The following KIF13A variants were observed in gnomAD, a reference collection of about 807,000 sequenced individuals.
KIF13A encodes the protein kinesin family member 13A, also known as kinesin-like protein KIF13A.
KIF13A carries 79 observed loss-of-function variants against 212.2 expected under a neutral mutation model. The ratio of observed to expected loss-of-function variants is 0.37; its 90% CI spans 0.31 to 0.45. The LOEUF (loss-of-function observed/expected upper bound fraction) is 0.45. Ranked by LOEUF, KIF13A falls within the 20% of genes least tolerant of loss-of-function variation. KIF13A has a pLI of 1.00. For synonymous variants in KIF13A, 789 were observed against 808.6 expected, an observed-to-expected ratio of 0.98 and a Z score of 0.41; for missense variants, 1,901 against 2,209.0, an observed-to-expected ratio of 0.86 and a Z score of 2.79.
In KIF13A at chr6:17,838,228, G is replaced by A. The variant is rs1011868708; in HGVS notation, c.831-645C>T. On this transcript the variant is annotated intron_variant, in intron 9 of 38. Transcript: ENST00000259711. The surrounding 1 kb of genome is among the most constrained non-coding windows in gnomAD (Gnocchi z 4.2). ...CCCAGCTACTCGGGAGGCTGAGGCAGGAAAATTGCTTGAACCCGGGAGGCG... is the reference window on the plus strand; with the variant it reads ...CCCAGCTACTCGGGAGGCTGAGGCAAGAAAATTGCTTGAACCCGGGAGGCG... 6.6e-6 allele frequency among the ~76,000 whole-genome samples: 1 copy of A among 151,810 alleles called. No individual in the cohort carries two copies. The highest frequency in any genetic ancestry group is 1.5e-5 in the Non-Finnish European group (1 of 67,962).
At chr6:17,969,927 CTT>C (rs144578023) in intron 2 of KIF13A, among the ~76,000 whole-genome samples, 11 of 145,260 alleles carry the variant, frequency 7.6e-5, no homozygotes, top group Non-Finnish European at 9.1e-5. Flanking sequence ...CTTGTGTTTT[CTT>C]TTTTTTTTTT....
intron 12 of KIF13A, among the ~76,000 whole-genome samples, chr6:17,831,535 C>A (rs1398066755): frequency 6.6e-6 from 1 of 151,216 alleles, no homozygotes; most frequent in Non-Finnish European, 1.5e-5. Context: ...TTGAAGGGTA[C>A]AAAATGCCAG....
intron 2 of KIF13A, among the ~76,000 whole-genome samples, chr6:17,964,195 C>G (rs1779101051): frequency 6.6e-6 from 1 of 152,206 alleles, no homozygotes; most frequent in Non-Finnish European, 1.5e-5. Flanking sequence ...ACTAATTATT[C>G]AGTTTAGAGT....
At chr6:17,928,536 G>A (rs1342481438) in intron 2 of KIF13A, among the ~76,000 whole-genome samples, 3 of 152,160 alleles carry the variant, frequency 2.0e-5, no homozygotes, top group Non-Finnish European at 4.4e-5. Flanking sequence ...CAAAGGGATT[G>A]AGGGAAAAGG....
At position 17,777,328 on chromosome 6, in the gene KIF13A, G is replaced by A; in HGVS notation, c.4119C>T (p.Ser1373=). 2 of 1,613,372 alleles carry A rather than the reference G, an allele frequency of 1.2e-6. No individual in the cohort carries two copies. Among genetic ancestry groups the A allele is most frequent in the Non-Finnish European group, 1.7e-6 (2 of 1,179,650 alleles). ...RQAVTVKEAL[S]TKARHIRRSL... is the part of the protein sequence containing the mutation. The stretch of plus-strand genomic sequence containing the variant: ...TCCTCCGAATGTGCCGGGCTTTGGT[G>A]GAAAGTGCTTCTTTGACTGTGACGG... The change falls in exon 34 of 39, where the codon TCC becomes TCT. Residue 1373 remains serine, a synonymous_variant. Transcript: ENST00000259711. This position sits in a 1 kb window ranked among gnomAD's most constrained non-coding sequence, Gnocchi z 4.4.
intron 2 of KIF13A, among the ~76,000 whole-genome samples, chr6:17,902,634 A>G (rs1013966062): frequency 1.3e-5 from 2 of 152,134 alleles, no homozygotes; most frequent in Non-Finnish European, 2.9e-5. Context: ...TTGAAGACAC[A>G]GTTCAAGGCT....
rs1767434403 is a variant in KIF13A at position 17,849,626 on chromosome 6, G to A, written c.718-137C>T. ...AATTTCTTAAGTTTTTAAACGGTCA[G>A]AAGAGTTATTTGAACCAGCAATTAA... On this transcript the variant is annotated intron_variant, in intron 8 of 38. Transcript: ENST00000259711. This position sits in a 1 kb window ranked among gnomAD's most constrained non-coding sequence, Gnocchi z 5.7. The A allele has an allele frequency of 3.5e-6, 2 of 571,890 alleles. No individual in the cohort carries two copies. 35.4% of individuals were successfully genotyped at this position (571,890 alleles called of 1,614,324 possible).
At position 17,828,115 on chromosome 6, in the gene KIF13A, G is replaced by C. The variant is rs775772967; in HGVS notation, c.1532+125C>G. On this transcript the variant is annotated intron_variant, in intron 14 of 38. Transcript: ENST00000259711. This position sits in a 1 kb window ranked among gnomAD's most constrained non-coding sequence, Gnocchi z 4.3. Reference sequence around the variant, plus strand: ...TCACTCTCTACAATCAGAAAGCAAGGGCCCCCTGAGGACCCCCATGTATCC... The same window carrying C: ...TCACTCTCTACAATCAGAAAGCAAGCGCCCCCTGAGGACCCCCATGTATCC... 10 of 824,550 alleles carry C rather than the reference G, an allele frequency of 1.2e-5. No homozygotes were observed. The highest frequency in any genetic ancestry group is 1.7e-5 in the Non-Finnish European group (9 of 545,276). 51.1% of individuals were successfully genotyped at this position (824,550 alleles called of 1,614,324 possible).
intron 9 of KIF13A, among the ~76,000 whole-genome samples, chr6:17,844,312 T>A (rs147778707): frequency 6.6e-6 from 1 of 152,312 alleles, no homozygotes; most frequent in East Asian, 1.9e-4. Flanking sequence ...TTAAACTCAA[T>A]GTTCATCAAC....
intron 23 of KIF13A, among the ~76,000 whole-genome samples, chr6:17,795,438 A>G (rs958409557): frequency 6.6e-6 from 1 of 151,820 alleles, no homozygotes; most frequent in Admixed American, 6.6e-5. Context: ...CAAAAAAAAA[A>G]AAAAAAATTA....
chr6:17,851,987 C>T lies in KIF13A; in HGVS notation c.550G>A (p.Gly184Ser), dbSNP rs536071727. The T allele has an allele frequency of 5.8e-6, 9 of 1,550,960 alleles. No homozygotes were observed. In the South Asian group the frequency reaches 8.9e-5, roughly 15 times the overall value. The change falls in exon 7 of 39, where the codon GGT becomes AGT. Residue 184 changes from glycine to serine, a missense_variant. Physicochemically the swap from Gly to Ser is moderately conservative, Grantham distance 56. Transcript: ENST00000259711. ...CTAGTGACAGCTAGTTGAGATAAAC[C>T]ATCTACATATGGTCCCAAAACTTTA... ...EHKVLGPYVD[G>S]LSQLAVTSFE... is the part of the protein sequence containing the mutation.
intron 3 of KIF13A, among the ~76,000 whole-genome samples, chr6:17,877,469 T>C (rs1770673226): frequency 6.6e-6 from 1 of 152,214 alleles, no homozygotes; most frequent in Non-Finnish European, 1.5e-5. Flanking sequence ...TGGGTAGGAC[T>C]GAACTTCAAC....
chr6:17,793,443 T>A (rs189849312), intron 25 of KIF13A, among the ~76,000 whole-genome samples: 11 of 152,100 alleles, frequency 7.2e-5, no homozygotes, highest in Non-Finnish European at 1.2e-4. Context: ...GATAATACGA[T>A]CAATTCTTAG....
rs1765716857 is a variant in KIF13A, at chr6:17,834,167, G to A, written c.1156-96C>T. On this transcript the variant is annotated intron_variant, in intron 11 of 38. Coordinates refer to ENST00000259711, the MANE Select transcript of KIF13A (RefSeq NM_022113.6). The surrounding 1 kb of genome is among the most constrained non-coding windows in gnomAD (Gnocchi z 4.0). ...TGTCCCTCTTAAGCAGTTATCAATAGTCTGTTGGAAAAAATTAAGTTATAT... is the reference window on the plus strand; with the variant it reads ...TGTCCCTCTTAAGCAGTTATCAATAATCTGTTGGAAAAAATTAAGTTATAT... The A allele has an allele frequency of 1.4e-6, 1 of 726,892 alleles. No individual in the cohort carries two copies. Among genetic ancestry groups the A allele is most frequent in the Non-Finnish European group, 2.2e-6 (1 of 458,310 alleles). The allele number at this position is 726,892 out of a possible 1,614,324, so 45.0% of individuals were successfully genotyped here.
intron 2 of KIF13A, among the ~76,000 whole-genome samples, chr6:17,966,698 T>C (rs1347736503): frequency 6.6e-6 from 1 of 152,164 alleles, no homozygotes; most frequent in African/African-American, 2.4e-5. Context: ...GAGAAATGTA[T>C]CAAAAATTGT....
rs1381687530 is a variant in KIF13A at position 17,783,175 on chromosome 6, A to G, written c.3544+471T>C. Among the ~76,000 whole-genome samples, 1 of 152,222 alleles carries G rather than the reference A, an allele frequency of 6.6e-6. No homozygotes were observed. The highest frequency in any genetic ancestry group is 1.5e-5 in the Non-Finnish European group (1 of 68,036). Reference sequence around the variant, plus strand: ...CAGTTAATATTTCGTTTAGAAAAGGATTGTTCTGCTAAAGCACATTGGAAA... The same window carrying G: ...CAGTTAATATTTCGTTTAGAAAAGGGTTGTTCTGCTAAAGCACATTGGAAA... On this transcript the variant is annotated intron_variant, in intron 29 of 38. Transcript: ENST00000259711. The surrounding 1 kb of genome is among the most constrained non-coding windows in gnomAD (Gnocchi z 4.3).
intron 17 of KIF13A, among the ~76,000 whole-genome samples, chr6:17,810,085 A>G (rs1348456438): frequency 1.3e-5 from 2 of 152,050 alleles, no homozygotes; most frequent in Non-Finnish European, 2.9e-5. Flanking sequence ...AAAAAAGGTG[A>G]TACCATTTTT....
chr6:17,804,115 G>A (rs1164406764), intron 20 of KIF13A, among the ~76,000 whole-genome samples: 1 of 151,642 alleles, frequency 6.6e-6, no homozygotes, highest in East Asian at 2.0e-4. Flanking sequence ...TCGCGCCACT[G>A]CACTCCAGCC....
intron 2 of KIF13A, among the ~76,000 whole-genome samples, chr6:17,970,532 G>T (rs1779727402): frequency 6.6e-6 from 1 of 152,156 alleles, no homozygotes; most frequent in Non-Finnish European, 1.5e-5. Context: ...TCGCTTACAT[G>T]CTTCCAGCAA....
Sources: gnomAD v4.1 joint callset for allele counts (sites outside exome capture counted in the v4.1 genomes callset) on GRCh38, gnomAD v4.1.1 for gene constraint, Gnocchi (gnomAD v3.1) non-coding constraint, MANE v1.5 for transcripts, NCBI Gene and HGNC (gene_info 2026-07-23, HGNC 2026-07-21) for gene names.